CAPZA1: variants seen among roughly 807,000 people sequenced by gnomAD.
CAPZA1 encodes the protein F-actin-capping protein subunit alpha-1.
CAPZA1 carries 10 observed loss-of-function variants against 40.8 expected under a neutral mutation model. The ratio of observed to expected loss-of-function variants is 0.25; its 90% CI spans 0.15 to 0.42. CAPZA1 has a LOEUF of 0.42. Among genes scored for constraint, CAPZA1 ranks in the 10% least tolerant of loss-of-function variants. The probability of loss-of-function intolerance (pLI) is 1.00; values close to 1 mark genes in which losing one functional copy is unlikely to be tolerated. For missense variants in CAPZA1, 277 were observed against 353.8 expected, an observed-to-expected ratio of 0.78 and a Z score of 1.74; for synonymous variants, 98 against 115.0, an observed-to-expected ratio of 0.85 and a Z score of 0.95.
chr1:112,655,268 C>A lies in CAPZA1; in HGVS notation c.426+597C>A, dbSNP rs986315359. On this transcript the variant is annotated intron_variant, in intron 5 of 9. Transcript: ENST00000263168. ...GCCAAGGTGGGCAGATCACTTGAGG[C>A]CAGGAGTTCGAGACCAGCCTGGCCA... Among the ~76,000 whole-genome samples, 9 of 152,040 alleles carry A rather than the reference C, an allele frequency of 5.9e-5. No individual in the cohort carries two copies. The South Asian group carries it at 1.4e-3, about 24-fold the overall frequency.
At chr1:112,641,409 T>G (rs539391924) in intron 1 of CAPZA1, among the ~76,000 whole-genome samples, 3 of 152,232 alleles carry the variant, frequency 2.0e-5, no homozygotes, top group South Asian at 2.1e-4. Context: ...ATATATAATT[T>G]CTAAAAGACC....
chr1:112,649,258 A>C (rs1048358233), intron 2 of CAPZA1, among the ~76,000 whole-genome samples, 160 bp from the exon 3 acceptor site: 1 of 152,230 alleles, frequency 6.6e-6, no homozygotes. Context: ...AAATCTGTGA[A>C]CATTAGCATC....
At chr1:112,629,027 A>G (rs1452260744) in intron 1 of CAPZA1, among the ~76,000 whole-genome samples, 1 of 152,204 alleles carries the variant, frequency 6.6e-6, no homozygotes, top group Non-Finnish European at 1.5e-5. Flanking sequence ...GTCCTCGATG[A>G]AGCATCCAGA....
At position 112,654,420 on chromosome 1, in the gene CAPZA1, T is replaced by C. The variant is rs781234895; in HGVS notation, c.220-45T>C. The C allele has an allele frequency of 9.5e-6, 12 of 1,262,286 alleles. No individual in the cohort carries two copies. The South Asian group carries it at 1.7e-4, about 18-fold the overall frequency. 78.2% of individuals were successfully genotyped at this position (1,262,286 alleles called of 1,614,324 possible). ...TGTGTTTCATAAAAGGCAGTAAGAA[T>C]TGTCTTTTTTACAGTTACTCATATG... On this transcript the variant is annotated intron_variant, in intron 4 of 9. Transcript: ENST00000263168.
At position 112,619,899 on chromosome 1, in the gene CAPZA1, C is replaced by T. The variant is rs777092625; in HGVS notation, c.39+16C>T. The T allele has an allele frequency of 1.9e-6, 3 of 1,601,602 alleles. No homozygotes were observed. The highest frequency in any genetic ancestry group is 2.6e-6 in the Non-Finnish European group (3 of 1,172,648). On this transcript the variant is annotated intron_variant, in intron 1 of 9. Transcript: ENST00000263168. ...TGAGGAGAAGGTAAGGGGTCCGCCT[C>T]TCTCTCTTACCTCCTCCCCCGACAG...
intron 1 of CAPZA1, among the ~76,000 whole-genome samples, chr1:112,627,137 C>T (rs12140444): frequency 6.6e-6 from 1 of 152,192 alleles, no homozygotes; most frequent in Non-Finnish European, 1.5e-5. Flanking sequence ...GTGTCCAGAA[C>T]TAATAAATGG....
At chr1:112,645,965 TAA>T (rs34028979) in intron 1 of CAPZA1, among the ~76,000 whole-genome samples, 89 of 148,396 alleles carry the variant, frequency 6.0e-4, no homozygotes, top group Admixed American at 4.7e-4. Context: ...CCCTGTCTCT[TAA>T]AAAAAAAAAA....
intron 1 of CAPZA1, among the ~76,000 whole-genome samples, chr1:112,635,238 T>C (rs1275024415): frequency 6.6e-6 from 1 of 152,040 alleles, no homozygotes; most frequent in African/African-American, 2.4e-5. Flanking sequence ...CAGACCAAGA[T>C]AGGGAGAAAG....
At chr1:112,643,604 C>T (rs1162404610) in intron 1 of CAPZA1, among the ~76,000 whole-genome samples, 1 of 152,140 alleles carries the variant, frequency 6.6e-6, no homozygotes, top group African/African-American at 2.4e-5. Flanking sequence ...TGAGAAAACT[C>T]AGGACCGAAA....
chr1:112,640,179 G>C (rs1189083778), intron 1 of CAPZA1, among the ~76,000 whole-genome samples: 1 of 124,798 alleles, frequency 8.0e-6, no homozygotes, highest in African/African-American at 3.1e-5. Context: ...CCCAGTCCGG[G>C]AGGGAGGTGG....
At chr1:112,631,690 C>G (rs1670919938) in intron 1 of CAPZA1, among the ~76,000 whole-genome samples, 1 of 152,152 alleles carries the variant, frequency 6.6e-6, no homozygotes, top group Non-Finnish European at 1.5e-5. Context: ...TGCTCGCTAA[C>G]ACGTGAATCT....
intron 1 of CAPZA1, among the ~76,000 whole-genome samples, chr1:112,639,053 T>G (rs2101151501): frequency 6.7e-6 from 1 of 149,630 alleles, no homozygotes; most frequent in Admixed American, 6.7e-5. Flanking sequence ...TTAAAGGTAT[T>G]TTTGTGGTAT....
chr1:112,626,908 G>A lies in CAPZA1; in HGVS notation c.39+7025G>A, dbSNP rs148894403. Among the ~76,000 whole-genome samples, 678 of 152,328 alleles carry A rather than the reference G, an allele frequency of 4.5e-3. 1 individual carries two copies. The highest frequency in any genetic ancestry group is 0.016 in the African/African-American group (646 of 41,574). On this transcript the variant is annotated intron_variant, in intron 1 of 9. Transcript: ENST00000263168. ...AACATACTGTTTAAACAAGAAAACAGCATAATGGCAGACTGTAGCAAAGGA... is the reference window on the plus strand; with the variant it reads ...AACATACTGTTTAAACAAGAAAACAACATAATGGCAGACTGTAGCAAAGGA...
chr1:112,619,953 G>A, intron 1 of CAPZA1, 70 bp downstream of exon 1: 2 of 1,322,002 alleles, frequency 1.5e-6, no homozygotes, highest in Non-Finnish European at 2.1e-6. Flanking sequence ...GGCTGCGTTG[G>A]GAGCCTAGCA....
Position 112,653,688 on chromosome 1 carries a change from T to G in CAPZA1, c.219+27T>G, listed in dbSNP as rs114404975. ...TAATAATTGCCTTTTAGACAGGCTA[T>G]GCCTGGCAGATAGTAGAGATCCTAT... On this transcript the variant is annotated intron_variant, in intron 4 of 9. Transcript: ENST00000263168. 1.9e-4 allele frequency: 284 copies of G among 1,470,444 alleles called. 1 individual carries two copies. In the African/African-American group the frequency reaches 3.7e-3, roughly 19 times the overall value. The allele number at this position is 1,470,444 out of a possible 1,614,324, so 91.1% of individuals were successfully genotyped here.
intron 1 of CAPZA1, among the ~76,000 whole-genome samples, chr1:112,641,400 T>C (rs1305426605): frequency 2.6e-5 from 4 of 152,124 alleles, no homozygotes; most frequent in African/African-American, 9.7e-5. Flanking sequence ...GGTGTAAATA[T>C]ATATAATTTC....
intron 1 of CAPZA1, among the ~76,000 whole-genome samples, chr1:112,627,461 A>C (rs1160737069): frequency 4.0e-5 from 6 of 151,708 alleles, no homozygotes; most frequent in Non-Finnish European, 8.8e-5. Context: ...CCTGAGCAAC[A>C]TAGTGAAACC....
At chr1:112,667,179 A>C in intron 8 of CAPZA1, 34 bp downstream of exon 8, 2 of 1,440,050 alleles carry the variant, frequency 1.4e-6, no homozygotes, top group Non-Finnish European at 1.9e-6. Context: ...TGTCTTACTC[A>C]TGTCTCGTTT....
At chr1:112,661,316 G>A (rs1248496988) in intron 7 of CAPZA1, among the ~76,000 whole-genome samples, 1 of 152,098 alleles carries the variant, frequency 6.6e-6, no homozygotes, top group Non-Finnish European at 1.5e-5. Flanking sequence ...GTAAGAGTTG[G>A]TAGATAAATA....
Sources: gnomAD v4.1 joint callset for allele counts (sites outside exome capture counted in the v4.1 genomes callset) on GRCh38, gnomAD v4.1.1 for gene constraint, MANE v1.5 for transcripts, NCBI Gene and HGNC (gene_info 2026-07-23, HGNC 2026-07-21) for gene names.